The following KALRN variants were observed in gnomAD, a reference collection of about 807,000 sequenced individuals.
KALRN encodes kalirin RhoGEF kinase.
KALRN carries 70 observed loss-of-function variants against 353.7 expected under a neutral mutation model. The observed-to-expected ratio is 0.20, with a 90% CI of 0.16 to 0.24. The LOEUF (loss-of-function observed/expected upper bound fraction) is 0.24. Among genes scored for constraint, KALRN ranks in the 10% least tolerant of loss-of-function variants. The pLI, the probability that KALRN is intolerant of heterozygous loss-of-function variation, is 1.00. For synonymous variants in KALRN, 1,391 were observed against 1,434.8 expected, an observed-to-expected ratio of 0.97 and a Z score of 0.69; for missense variants, 2,791 against 3,756.7, an observed-to-expected ratio of 0.74 and a Z score of 6.72.
At chr3:124,338,326 G>C (rs1006658217) in intron 9 of KALRN, among the ~76,000 whole-genome samples, 1 of 152,090 alleles carries the variant, frequency 6.6e-6, no homozygotes, top group South Asian at 2.1e-4. Flanking sequence ...AGAGATTCTG[G>C]TACGTTGTGT....
At chr3:124,123,138 T>C (rs1430787841) in intron 1 of KALRN, among the ~76,000 whole-genome samples, 25 of 149,622 alleles carry the variant, frequency 1.7e-4, no homozygotes, top group African/African-American at 6.2e-4. Flanking sequence ...AGGCGGAGGT[T>C]GCAGTGAGCC....
intron 34 of KALRN, among the ~76,000 whole-genome samples, chr3:124,620,301 C>T (rs184302675): frequency 2.6e-5 from 4 of 152,200 alleles, no homozygotes; most frequent in South Asian, 2.1e-4. Context: ...GATGAGGTCT[C>T]GCTATGTTGC....
At chr3:124,515,742 CTT>C (rs1561198107) in intron 33 of KALRN, among the ~76,000 whole-genome samples, 1 of 152,204 alleles carries the variant, frequency 6.6e-6, no homozygotes, top group Non-Finnish European at 1.5e-5. Context: ...CTTTTTCACA[CTT>C]CCACTTAAAC....
At position 124,366,412 on chromosome 3, in the gene KALRN, G is replaced by C. The variant is rs539580978; in HGVS notation, c.1771-18433G>C. On this transcript the variant is annotated intron_variant, in intron 10 of 59. Coordinates refer to ENST00000682506, the MANE Select transcript of KALRN (RefSeq NM_001388419.1). ...TTAGGGATTGGTGATGACTCTTAAC[G>C]AGCATGCTGCTTTCAAGCATCTGTT... 6.0e-5 allele frequency among the ~76,000 whole-genome samples: 9 copies of C among 149,032 alleles called. No individual in the cohort carries two copies. In the South Asian group the frequency reaches 1.6e-3, roughly 26 times the overall value.
chr3:124,095,810 T>C (rs1300370505), intron 1 of KALRN: 1 of 152,184 alleles, frequency 6.6e-6, no homozygotes, highest in Non-Finnish European at 1.5e-5. Context: ...TAAGAGGTTT[T>C]GGCAAGAATG....
intron 20 of KALRN, 31 bp downstream of exon 20, chr3:124,446,307 A>C: frequency 6.3e-5 from 95 of 1,498,142 alleles, no homozygotes; most frequent in Non-Finnish European, 8.0e-5. Flanking sequence ...GCACTATCTC[A>C]GTTCTGGGGA....
chr3:124,171,589 AG>A lies in KALRN; in HGVS notation c.74-56396del, dbSNP rs111809988. On this transcript the variant is annotated intron_variant, in intron 1 of 59. Coordinates refer to ENST00000682506, the MANE Select transcript of KALRN (RefSeq NM_001388419.1). ...GCAAGTCATGGGCTAGTTCAGACTG[AG>A]GGGGTAGCAAAATAGACCCTACCTC... 9.6e-4 allele frequency among the ~76,000 whole-genome samples: 146 copies of A among 152,224 alleles called. 1 individual carries two copies. Among genetic ancestry groups the A allele is most frequent in the African/African-American group, 3.4e-3 (142 of 41,542 alleles).
intron 34 of KALRN, among the ~76,000 whole-genome samples, chr3:124,564,244 G>T (rs1393437372): frequency 6.6e-6 from 1 of 151,380 alleles, no homozygotes; most frequent in Non-Finnish European, 1.5e-5. Flanking sequence ...AGCTGGGCAA[G>T]GTGGTGTTCA....
intron 34 of KALRN, among the ~76,000 whole-genome samples, chr3:124,603,845 G>T (rs2077050553): frequency 6.6e-6 from 1 of 152,122 alleles, no homozygotes; most frequent in African/African-American, 2.4e-5. Context: ...TTACCTTATA[G>T]TATCTAACTA....
At chr3:124,229,668 C>T (rs2078945630) in intron 2 of KALRN, among the ~76,000 whole-genome samples, 1 of 152,238 alleles carries the variant, frequency 6.6e-6, no homozygotes, top group Non-Finnish European at 1.5e-5. Context: ...TGTCTCCCAC[C>T]TCATCGGAGA....
At chr3:124,060,251 A>G (rs2041886010) in intron 1 of KALRN, among the ~76,000 whole-genome samples, 1 of 152,134 alleles carries the variant, frequency 6.6e-6, no homozygotes, top group African/African-American at 2.4e-5. Context: ...CACCAAGTAG[A>G]GCATTTGGGG....
intron 15 of KALRN, among the ~76,000 whole-genome samples, chr3:124,429,986 G>T (rs948075957): frequency 2.0e-5 from 3 of 152,138 alleles, no homozygotes; most frequent in Admixed American, 2.0e-4. Flanking sequence ...GGTGTGACCT[G>T]GGTATTCTCG....
In KALRN at chr3:124,072,122, G is replaced by A. The variant is rs1181559594; in HGVS notation, c.73+38309G>A. Reference sequence around the variant, plus strand: ...GGCTGTTGACACCAGGGAAGAAAAAGAGGATATTGGGCCAGATAAATGTAG... The same window carrying A: ...GGCTGTTGACACCAGGGAAGAAAAAAAGGATATTGGGCCAGATAAATGTAG... On this transcript the variant is annotated intron_variant, in intron 1 of 59. Coordinates refer to ENST00000682506, the MANE Select transcript of KALRN (RefSeq NM_001388419.1). Among the ~76,000 whole-genome samples the A allele has an allele frequency of 6.6e-5, 10 of 152,368 alleles. No homozygotes were observed. In the South Asian group the frequency reaches 1.5e-3, roughly 22 times the overall value.
chr3:124,590,452 A>G (rs2075662656), intron 34 of KALRN, among the ~76,000 whole-genome samples: 1 of 152,194 alleles, frequency 6.6e-6, no homozygotes, highest in Non-Finnish European at 1.5e-5. Flanking sequence ...AATGCAAAAT[A>G]ACTTTAAAAA....
intron 3 of KALRN, among the ~76,000 whole-genome samples, chr3:124,258,906 G>C (rs570048899): frequency 6.6e-6 from 1 of 152,260 alleles, no homozygotes; most frequent in African/African-American, 2.4e-5. Flanking sequence ...ACATGGATGT[G>C]GAACCCACAG....
chr3:124,506,963 A>G (rs368802706), intron 33 of KALRN, among the ~76,000 whole-genome samples: 3 of 152,228 alleles, frequency 2.0e-5, no homozygotes, highest in Admixed American at 6.5e-5. Flanking sequence ...ACTATTGTAG[A>G]CACAGAGGAT....
chr3:124,607,642 A>T (rs181082753), intron 34 of KALRN, among the ~76,000 whole-genome samples: 41 of 152,366 alleles, frequency 2.7e-4, no homozygotes, highest in African/African-American at 9.6e-4. Flanking sequence ...CTCAACTCTC[A>T]TTCTCACTCT....
At chr3:124,195,866 A>G (rs1254555542) in intron 1 of KALRN, among the ~76,000 whole-genome samples, 2 of 152,186 alleles carry the variant, frequency 1.3e-5, no homozygotes, top group African/African-American at 4.8e-5. Flanking sequence ...ACTCTAGTGC[A>G]CTTCTATAAT....
chr3:124,512,636 G>A lies in KALRN; in HGVS notation c.4935+16223G>A, dbSNP rs193118894. Among the ~76,000 whole-genome samples, 112 of 152,128 alleles carry A rather than the reference G, an allele frequency of 7.4e-4. 1 individual carries two copies. Among genetic ancestry groups the A allele is most frequent in the Non-Finnish European group, 1.3e-3 (87 of 68,006 alleles). On this transcript the variant is annotated intron_variant, in intron 33 of 59. Coordinates refer to ENST00000682506, the MANE Select transcript of KALRN (RefSeq NM_001388419.1). ...ACTGCACTCCAGCCTGGGAAACAGA[G>A]CAAGTCTCTGTCTTGGAAAAATAAA...
Sources: allele counts gnomAD v4.1 joint callset (sites outside exome capture counted in the v4.1 genomes callset), GRCh38; gene constraint gnomAD v4.1.1; transcripts MANE v1.5; gene names NCBI Gene and HGNC (gene_info 2026-07-23, HGNC 2026-07-21).